Variants in WDR41 observed in about 807,000 individuals in gnomAD.
The protein encoded by WDR41 is WD repeat domain 41.
Under a neutral mutation model 69.3 loss-of-function variants are expected in WDR41, and 63 were observed. The observed-to-expected ratio is 0.91, with a 90% CI of 0.74 to 1.12. The LOEUF (loss-of-function observed/expected upper bound fraction) is 1.12, where lower values mean the gene tolerates loss of function less well. Ranked by LOEUF, WDR41 falls within the 50% of genes most tolerant of loss-of-function variation. The pLI is 0.00. For synonymous variants in WDR41, 185 were observed against 192.1 expected, an observed-to-expected ratio of 0.96 and a Z score of 0.31; for missense variants, 543 against 534.5, an observed-to-expected ratio of 1.02 and a Z score of -0.16.
At chr5:77,591,596 T>A (rs1580035151) in intron 1 of WDR41, among the ~76,000 whole-genome samples, 1 of 152,170 alleles carries the variant, frequency 6.6e-6, no homozygotes, top group Non-Finnish European at 1.5e-5. Context: ...GTCTGCTGTA[T>A]TTTTATTATT....
chr5:77,562,582 T>C (rs751236966), intron 1 of WDR41, among the ~76,000 whole-genome samples: 1 of 152,214 alleles, frequency 6.6e-6, no homozygotes, highest in Non-Finnish European at 1.5e-5. Flanking sequence ...GAAAATTGCA[T>C]ATGTCCAAAC....
intron 1 of WDR41, among the ~76,000 whole-genome samples, chr5:77,618,652 C>T (rs977377462): frequency 2.6e-5 from 4 of 152,302 alleles, no homozygotes; most frequent in Admixed American, 1.3e-4. Flanking sequence ...GGATTACAGG[C>T]GTGAGCCACC....
intron 1 of WDR41, among the ~76,000 whole-genome samples, chr5:77,518,135 AAG>A (rs1802319221): frequency 6.6e-6 from 1 of 152,198 alleles, no homozygotes; most frequent in Admixed American, 6.5e-5. Flanking sequence ...TTAACAAAAA[AAG>A]AGAGAATATT....
At chr5:77,489,615 AAAAG>A (rs1176430058) in intron 1 of WDR41, 43 bp from the exon 2 acceptor site, 7 of 1,234,630 alleles carry the variant, frequency 5.7e-6, no homozygotes, top group Non-Finnish European at 8.1e-6. Context: ...AAAAGACAAA[AAAAG>A]AGATAAAATG....
In WDR41 at chr5:77,464,818, G is replaced by A; in HGVS notation, c.168-9C>T. ...CACCAGCAGATGCAAATCTGGTTAG[G>A]GAGAAAGGGTCAAGAAAAAAAAATC... is the stretch of plus-strand genomic sequence containing the variant. On this transcript the variant is annotated splice_polypyrimidine_tract_variant and intron_variant, in intron 2 of 12. Coordinates refer to ENST00000296679, the MANE Select transcript of WDR41 (RefSeq NM_018268.4). The A allele has an allele frequency of 6.3e-7, 1 of 1,592,350 alleles. No individual in the cohort carries two copies. The highest frequency in any genetic ancestry group is 8.5e-7 in the Non-Finnish European group (1 of 1,172,290).
At chr5:77,582,304 T>C in intron 1 of WDR41, 10 of 1,393,416 alleles carry the variant, frequency 7.2e-6, no homozygotes, top group Non-Finnish European at 1.0e-5. Flanking sequence ...GTAGACAATA[T>C]GCATAGATAT....
At chr5:77,442,050 C>CA (rs1799187109) in intron 8 of WDR41, among the ~76,000 whole-genome samples, 1 of 152,094 alleles carries the variant, frequency 6.6e-6, no homozygotes, top group Non-Finnish European at 1.5e-5. Flanking sequence ...ACAGTACTGG[C>CA]AAAAGCATAA....
At chr5:77,594,130 C>A (rs550942309) in intron 1 of WDR41, among the ~76,000 whole-genome samples, 71 of 151,828 alleles carry the variant, frequency 4.7e-4, no homozygotes, top group African/African-American at 1.6e-3. Flanking sequence ...ATGGATGAAG[C>A]TGGAAACCAT....
intron 2 of WDR41, among the ~76,000 whole-genome samples, chr5:77,478,872 G>C (rs949282002): frequency 1.3e-5 from 2 of 151,892 alleles, no homozygotes; most frequent in African/African-American, 2.4e-5. Flanking sequence ...ATTAGGAAAA[G>C]AGGAAGTCAA....
At chr5:77,521,791 G>T (rs1294502030) in intron 1 of WDR41, among the ~76,000 whole-genome samples, 1 of 152,088 alleles carries the variant, frequency 6.6e-6, no homozygotes, top group Non-Finnish European at 1.5e-5. Context: ...CTGCCATGCT[G>T]CCCCCAGAAG....
intron 1 of WDR41, among the ~76,000 whole-genome samples, chr5:77,536,697 T>A (rs767545689): frequency 1.1e-4 from 17 of 152,182 alleles, no homozygotes; most frequent in Non-Finnish European, 2.2e-4. Flanking sequence ...CAATTCCCTA[T>A]ATTATTCAGA....
At chr5:77,505,801 T>A (rs561008829) in intron 1 of WDR41, among the ~76,000 whole-genome samples, 32 of 152,340 alleles carry the variant, frequency 2.1e-4, no homozygotes, top group African/African-American at 7.5e-4. Flanking sequence ...ATTCCCTATT[T>A]AATAAACGGT....
intron 4 of WDR41, among the ~76,000 whole-genome samples, chr5:77,462,410 A>C: frequency 4.0e-5 from 1 of 24,892 alleles, no homozygotes; most frequent in South Asian, 1.4e-3. Flanking sequence ...ACTCCGTCTC[A>C]AAAAAAAAAA....
chr5:77,482,860 A>G lies in WDR41; in HGVS notation c.167+6597T>C, dbSNP rs1247586856. On this transcript the variant is annotated intron_variant, in intron 2 of 12. Transcript: ENST00000296679. ...GCTCTGTCCTCCCCACATCTACCTG[A>G]AAAAAAAAAAAAAAAAGCACACATC... is the stretch of plus-strand genomic sequence containing the variant. Among the ~76,000 whole-genome samples, 3 of 132,882 alleles carry G rather than the reference A, an allele frequency of 2.3e-5. No homozygotes were observed. In the Admixed American group the frequency reaches 2.3e-4, roughly 10 times the overall value. The allele number at this position is 132,882 out of a possible 152,430, so 87.2% of individuals were successfully genotyped here.
intron 5 of WDR41, among the ~76,000 whole-genome samples, chr5:77,455,280 T>C (rs554159223): frequency 6.6e-6 from 1 of 152,394 alleles, no homozygotes; most frequent in African/African-American, 2.4e-5. Context: ...TTGTTTATCT[T>C]CTTTGGAGAA....
intron 7 of WDR41, among the ~76,000 whole-genome samples, chr5:77,450,129 C>T (rs946821978): frequency 6.6e-6 from 1 of 152,168 alleles, no homozygotes; most frequent in Non-Finnish European, 1.5e-5. Flanking sequence ...AACAGTGAAG[C>T]TCCCATTCTC....
At chr5:77,578,911 T>C (rs537537616) in intron 1 of WDR41, among the ~76,000 whole-genome samples, 62 of 148,858 alleles carry the variant, frequency 4.2e-4, no homozygotes, top group African/African-American at 1.5e-3. Flanking sequence ...ATGATCATAG[T>C]GTCTCCTCAA....
In WDR41 at chr5:77,487,804, G is replaced by C. The variant is rs906637891; in HGVS notation, c.167+1653C>G. ...GGGCTTTCTGCTACCAGTCACGGTGGGGAGGGTGGGGACTGAAGATTGAGT... is the reference window on the plus strand; with the variant it reads ...GGGCTTTCTGCTACCAGTCACGGTGCGGAGGGTGGGGACTGAAGATTGAGT... On this transcript the variant is annotated intron_variant, in intron 2 of 12. Transcript: ENST00000296679. Among the ~76,000 whole-genome samples the C allele has an allele frequency of 1.5e-4, 23 of 152,154 alleles. 1 individual carries two copies. The highest frequency in any genetic ancestry group is 5.3e-4 in the African/African-American group (22 of 41,446).
chr5:77,509,178 A>G lies in WDR41; in HGVS notation c.43-19606T>C, dbSNP rs149993118. ...AACCAGACCAATAATAGAAAATATTAGTTTAATTTTATTGCTGGAGACCTC... is the reference window on the plus strand; with the variant it reads ...AACCAGACCAATAATAGAAAATATTGGTTTAATTTTATTGCTGGAGACCTC... On this transcript the variant is annotated intron_variant, in intron 1 of 5. Coordinates refer to the WDR41 transcript ENST00000509971. Among the ~76,000 whole-genome samples, 9 of 152,290 alleles carry G rather than the reference A, an allele frequency of 5.9e-5. No individual in the cohort carries two copies. The East Asian group carries it at 1.4e-3, about 23-fold the overall frequency.
Sources: allele counts gnomAD v4.1 joint callset (sites outside exome capture counted in the v4.1 genomes callset), GRCh38; gene constraint gnomAD v4.1.1; transcripts MANE v1.5; gene names NCBI Gene and HGNC (gene_info 2026-07-23, HGNC 2026-07-21).